Variants in TIAL1 observed in about 807,000 individuals in gnomAD.
The protein encoded by TIAL1 is nucleolysin TIAR.
Under a neutral mutation model 59.7 loss-of-function variants are expected in TIAL1, and 7 were observed. That is an observed-to-expected ratio of 0.12 (90% CI 0.07 to 0.22). TIAL1 has a LOEUF of 0.22. Among genes scored for constraint, TIAL1 ranks in the 10% least tolerant of loss-of-function variants. The probability of loss-of-function intolerance (pLI) is 1.00; values close to 1 mark genes in which losing one functional copy is unlikely to be tolerated. For synonymous variants in TIAL1, 149 were observed against 146.3 expected, an observed-to-expected ratio of 1.02 and a Z score of -0.13; for missense variants, 225 against 462.5, an observed-to-expected ratio of 0.49 and a Z score of 4.71.
intron 10 of TIAL1, 51 bp downstream of exon 10, chr10:119,577,029 T>A: frequency 6.3e-7 from 1 of 1,599,068 alleles, no homozygotes; most frequent in Non-Finnish European, 8.5e-7. Flanking sequence ...AAAGCTTTTA[T>A]GTGACATGTA....
chr10:119,590,428 G>A (rs895953613), intron 1 of TIAL1, among the ~76,000 whole-genome samples: 14 of 151,966 alleles, frequency 9.2e-5, no homozygotes, highest in Non-Finnish European at 1.8e-4. Flanking sequence ...AAATGAACAA[G>A]TGACCAGGCA....
chr10:119,579,864 G>C (rs184352228), intron 6 of TIAL1, 71 bp downstream of exon 6: 196 of 1,248,384 alleles, frequency 1.6e-4, no homozygotes, highest in Admixed American at 3.3e-4. Context: ...TCAAGTTTCA[G>C]ATTCAATACA....
chr10:119,575,644 A>ATT lies in TIAL1; in HGVS notation c.*19_*20dup. ...AAATCGAAGCCTATCATGAATTACA[A>ATT]TTTTTTTTTAGAGTCCCGGCTCACT... On this transcript the variant is annotated 3_prime_UTR_variant, in exon 12 of 12. Transcript: ENST00000436547. The ATT allele has an allele frequency of 1.9e-6, 3 of 1,581,112 alleles. No individual in the cohort carries two copies. Among genetic ancestry groups the ATT allele is most frequent in the Admixed American group, 3.4e-5 (2 of 58,654 alleles).
At position 119,588,135 on chromosome 10, in the gene TIAL1, A is replaced by T; in HGVS notation, c.129+17T>A. 1 of 1,470,388 alleles carries T rather than the reference A, an allele frequency of 6.8e-7. No homozygotes were observed. The allele number at this position is 1,470,388 out of a possible 1,614,324, so 91.1% of individuals were successfully genotyped here. On this transcript the variant is annotated intron_variant, in intron 2 of 11. Coordinates refer to ENST00000436547, the MANE Select transcript of TIAL1 (RefSeq NM_003252.4). The stretch of plus-strand genomic sequence containing the variant: ...CATCATGCTAATTGTCAGCACATGG[A>T]ACTGGGAAGATCTTACCTCTGTTAT...
intron 6 of TIAL1, 52 bp from the exon 7 acceptor site, chr10:119,578,886 CTCTG>C: frequency 7.1e-7 from 1 of 1,408,750 alleles, no homozygotes; most frequent in South Asian, 1.2e-5. Context: ...ATAAATAAGA[CTCTG>C]TAAGATGAAA....
At chr10:119,587,367 T>G (rs556345837) in intron 2 of TIAL1, among the ~76,000 whole-genome samples, 16 of 152,356 alleles carry the variant, frequency 1.1e-4, no homozygotes, top group African/African-American at 3.8e-4. Context: ...CAGTATGTAC[T>G]ACTATCCTTT....
Position 119,574,586 on chromosome 10 carries a change from CA to C in TIAL1, c.*1078del, listed in dbSNP as rs5788360. On this transcript the variant is annotated 3_prime_UTR_variant, in exon 12 of 12. Coordinates refer to ENST00000436547, the MANE Select transcript of TIAL1 (RefSeq NM_003252.4). The stretch of plus-strand genomic sequence containing the variant: ...TATTTACATACCAAGTAATGTAAAG[CA>C]AAAAAAAAAAAAAAAAAAAACAAAA... 225 of 86,582 alleles carry C rather than the reference CA, an allele frequency of 2.6e-3. No individual in the cohort carries two copies. Among genetic ancestry groups the C allele is most frequent in the African/African-American group, 6.2e-3 (144 of 23,318 alleles). The allele number at this position is 86,582 out of a possible 1,614,324, so 5.4% of individuals were successfully genotyped here.
In TIAL1 at chr10:119,577,718, C is replaced by T. The variant is rs1457047221; in HGVS notation, c.575G>A (p.Arg192Lys). The change falls in exon 8 of 12, where the codon AGA (arginine) becomes AAA (lysine). Residue 192 changes from arginine to lysine, a missense_variant. Physicochemically the swap from Arg to Lys is conservative, Grantham distance 26 (BLOSUM62 2). Coordinates refer to ENST00000436547, the MANE Select transcript of TIAL1 (RefSeq NM_003252.4). The stretch of plus-strand genomic sequence containing the variant: ...TGACTGGTTTACTACATCTTCAAAT[C>T]TCAACTGCTTAGTGTTGTCTGTATG... ...STQENNTKQL[R>K]FEDVVNQSSP... 1 of 1,614,026 alleles carries T rather than the reference C, an allele frequency of 6.2e-7. No homozygotes were observed. The highest frequency in any genetic ancestry group is 2.2e-5 in the East Asian group (1 of 44,870).
rs34336844 is a variant in TIAL1 at position 119,576,202 on chromosome 10, G to GAA, written c.1001+407_1001+408dup. Among the ~76,000 whole-genome samples the GAA allele has an allele frequency of 1.1e-3, 115 of 109,070 alleles. 2 individuals carry two copies. Among genetic ancestry groups the GAA allele is most frequent in the South Asian group, 6.2e-3 (21 of 3,364 alleles). 71.6% of individuals were successfully genotyped at this position (109,070 alleles called of 152,430 possible). ...GGAGGAAACCACTCTATCAACAAAA[G>GAA]AAAAAAAAAAAAAAAAAAGGCCAGT... On this transcript the variant is annotated intron_variant, in intron 11 of 11. Coordinates refer to ENST00000436547, the MANE Select transcript of TIAL1 (RefSeq NM_003252.4).
intron 2 of TIAL1, among the ~76,000 whole-genome samples, chr10:119,583,891 T>A (rs1242793101): frequency 6.6e-6 from 1 of 152,216 alleles, no homozygotes; most frequent in African/African-American, 2.4e-5. Flanking sequence ...AACACACATT[T>A]AAATTCTTGT....
At chr10:119,594,824 C>T (rs1361825249) in intron 1 of TIAL1, among the ~76,000 whole-genome samples, 1 of 152,088 alleles carries the variant, frequency 6.6e-6, no homozygotes, top group South Asian at 2.1e-4. Flanking sequence ...GGAGTTTCAC[C>T]GTGTTGGCCA....
chr10:119,579,686 C>A (rs369187501), intron 6 of TIAL1, among the ~76,000 whole-genome samples: 1 of 152,148 alleles, frequency 6.6e-6, no homozygotes, highest in Admixed American at 6.5e-5. Context: ...TCCATCTGAC[C>A]TTTACCAATG....
chr10:119,593,504 TTG>T (rs756796366), intron 1 of TIAL1: 94 of 985,700 alleles, frequency 9.5e-5, no homozygotes, highest in Non-Finnish European at 1.1e-4. Context: ...ATGTCTTAGC[TTG>T]TGTGTGTCTG....
intron 5 of TIAL1, chr10:119,580,630 C>T (rs1023187330): frequency 2.0e-6 from 2 of 993,222 alleles, no homozygotes; most frequent in Middle Eastern, 3.2e-4. Context: ...ACGAAAACAA[C>T]AAATTTACAC....
chr10:119,590,738 A>AAG (rs1388183597), intron 1 of TIAL1, among the ~76,000 whole-genome samples: 1 of 135,708 alleles, frequency 7.4e-6, no homozygotes, highest in Non-Finnish European at 1.6e-5. Context: ...GAAAGAGAGA[A>AAG]AGAGAGAGAG....
chr10:119,584,341 T>C (rs76760521), intron 2 of TIAL1, among the ~76,000 whole-genome samples: 1 of 151,914 alleles, frequency 6.6e-6, no homozygotes, highest in Non-Finnish European at 1.5e-5. Flanking sequence ...TATATTTGTA[T>C]TATATAAGGA....
Position 119,582,025 on chromosome 10 carries a change from T to A in TIAL1, c.284-16A>T. The stretch of plus-strand genomic sequence containing the variant: ...TGGAAGTGATCTGAAATCAGAGCAT[T>A]TGGTAATCAAATACTTAAGAAGTCA... On this transcript the variant is annotated splice_polypyrimidine_tract_variant and intron_variant, in intron 4 of 11. Coordinates refer to ENST00000436547, the MANE Select transcript of TIAL1 (RefSeq NM_003252.4). This position sits in a 1 kb window ranked among gnomAD's most constrained non-coding sequence, Gnocchi z 5.1. 6.2e-7 allele frequency: 1 copy of A among 1,613,004 alleles called. No individual in the cohort carries two copies. The highest frequency in any genetic ancestry group is 1.1e-5 in the South Asian group (1 of 91,034).
intron 7 of TIAL1, among the ~76,000 whole-genome samples, chr10:119,578,411 G>A (rs1845133939): frequency 6.6e-6 from 1 of 151,876 alleles, no homozygotes; most frequent in South Asian, 2.1e-4. Context: ...TTAGAGTCTT[G>A]CAACACTAAT....
chr10:119,594,719 G>T (rs563797747), intron 1 of TIAL1, among the ~76,000 whole-genome samples: 2 of 152,234 alleles, frequency 1.3e-5, no homozygotes, highest in Non-Finnish European at 2.9e-5. Context: ...CTGCCTCCTG[G>T]GTTCAAGTGA....
Sources: gnomAD v4.1 joint callset for allele counts (sites outside exome capture counted in the v4.1 genomes callset) on GRCh38, gnomAD v4.1.1 for gene constraint, Gnocchi (gnomAD v3.1) non-coding constraint, MANE v1.5 for transcripts, NCBI Gene and HGNC (gene_info 2026-07-23, HGNC 2026-07-21) for gene names.